The following ABCC11 variants were observed in gnomAD, a reference collection of about 807,000 sequenced individuals.
ABCC11 encodes ATP binding cassette subfamily C member 11.
In ABCC11, 135 loss-of-function variants were observed where a neutral mutation model predicts 149.3. The observed-to-expected ratio is 0.90, with a 90% confidence interval of 0.79 to 1.04. The LOEUF (loss-of-function observed/expected upper bound fraction) is 1.04. ABCC11 is among the 50% of genes least tolerant of loss of function. ABCC11 has a pLI of 0.00. For synonymous variants in ABCC11, 665 were observed against 671.4 expected, an observed-to-expected ratio of 0.99 and a Z score of 0.15; for missense variants, 1,680 against 1,722.1, an observed-to-expected ratio of 0.98 and a Z score of 0.43.
At chr16:48,170,071 G>T (rs755524228) in intron 28 of ABCC11, 34 bp downstream of exon 28, 1 of 1,578,064 alleles carries the variant, frequency 6.3e-7, no homozygotes, top group Non-Finnish European at 8.7e-7. Context: ...GTAGTCTGTG[G>T]CTTCCCCTGG....
chr16:48,210,912 G>C (rs1968864141), intron 11 of ABCC11, 36 bp downstream of exon 11: 2 of 1,602,698 alleles, frequency 1.2e-6, no homozygotes, highest in Non-Finnish European at 8.5e-7. Context: ...TGAGAGCCTG[G>C]CAGCTGGCCT....
chr16:48,191,703 A>G (rs1567499649), intron 20 of ABCC11, among the ~76,000 whole-genome samples: 1 of 152,186 alleles, frequency 6.6e-6, no homozygotes, highest in Non-Finnish European at 1.5e-5. Context: ...GCTGGAAACC[A>G]TCATTCTCAG....
At chr16:48,244,374 C>G in intron 1 of ABCC11, 1 of 1,521,720 alleles carries the variant, frequency 6.6e-7, no homozygotes, top group Non-Finnish European at 8.8e-7. Flanking sequence ...GCCCCCAGTG[C>G]GAAAGGCTGC....
chr16:48,194,007 A>G lies in ABCC11; in HGVS notation c.2405-25T>C, dbSNP rs577802730. ...CCTGGGAGGGAGACAGTGGTGATGT[A>G]CAAGTGCCACAAACAGGTGCGAGGC... is the stretch of plus-strand genomic sequence containing the variant. On this transcript the variant is annotated intron_variant, in intron 18 of 29. Transcript: ENST00000356608. 1.1e-5 allele frequency: 17 copies of G among 1,556,308 alleles called. No individual in the cohort carries two copies. The East Asian group carries it at 2.5e-4, about 23-fold the overall frequency.
chr16:48,196,424 G>T, intron 17 of ABCC11, 103 bp from the exon 18 acceptor site: 2 of 1,086,270 alleles, frequency 1.8e-6, no homozygotes, highest in Non-Finnish European at 2.7e-6. Flanking sequence ...TCACTTTCCA[G>T]CTTCAGTGCC....
chr16:48,181,376 A>T (rs1966421916), intron 23 of ABCC11, among the ~76,000 whole-genome samples: 1 of 152,222 alleles, frequency 6.6e-6, no homozygotes, highest in Non-Finnish European at 1.5e-5. Flanking sequence ...TATTTGTAAG[A>T]CAGGAACAAT....
At chr16:48,212,716 G>A (rs1242135159) in intron 10 of ABCC11, among the ~76,000 whole-genome samples, 1 of 152,208 alleles carries the variant, frequency 6.6e-6, no homozygotes, top group Non-Finnish European at 1.5e-5. Context: ...CTGGCTTGTG[G>A]TAGGAGCTCA....
At chr16:48,243,401 C>CAAAAAAAAAAAAAAAAAAAAAA (rs541776018) in intron 1 of ABCC11, among the ~76,000 whole-genome samples, 1 of 72,842 alleles carries the variant, frequency 1.4e-5, no homozygotes, top group Non-Finnish European at 2.9e-5. Flanking sequence ...GACTCCGTCT[C>CAAAAAAAAAAAAAAAAAAAAAA]AAAAAAAAAA....
intron 1 of ABCC11, among the ~76,000 whole-genome samples, chr16:48,237,187 A>C (rs757095394): frequency 5.3e-5 from 8 of 152,176 alleles, no homozygotes; most frequent in Non-Finnish European, 1.2e-4. Flanking sequence ...CCCTTGATGA[A>C]AAGGTAAGCG....
Position 48,181,352 on chromosome 16 carries a change from A to C in ABCC11, c.3259-2666T>G, listed in dbSNP as rs114004880. Among the ~76,000 whole-genome samples the C allele has an allele frequency of 1.9e-3, 289 of 152,322 alleles. 1 individual carries two copies. Among genetic ancestry groups the C allele is most frequent in the African/African-American group, 6.6e-3 (273 of 41,576 alleles). ...ATAGCCAAGTTACTTAAACGCTCTAAGCCCTAAGTTTTCTATTTGTAAGAC... is the reference window on the plus strand; with the variant it reads ...ATAGCCAAGTTACTTAAACGCTCTACGCCCTAAGTTTTCTATTTGTAAGAC... On this transcript the variant is annotated intron_variant, in intron 23 of 29. Coordinates refer to ENST00000356608, the MANE Select transcript of ABCC11 (RefSeq NM_001370497.1).
chr16:48,181,786 T>C (rs936611046), intron 23 of ABCC11, among the ~76,000 whole-genome samples: 1 of 152,190 alleles, frequency 6.6e-6, no homozygotes, highest in Non-Finnish European at 1.5e-5. Flanking sequence ...AATTTTTTTG[T>C]ATTTTTTTAG....
At position 48,205,669 on chromosome 16, in the gene ABCC11, T is replaced by C. The variant is rs974653941; in HGVS notation, c.1681-132A>G. 15 of 1,232,930 alleles carry C rather than the reference T, an allele frequency of 1.2e-5. No homozygotes were observed. The East Asian group carries it at 2.1e-4, about 17-fold the overall frequency. The allele number at this position is 1,232,930 out of a possible 1,614,324, so 76.4% of individuals were successfully genotyped here. A position where few individuals can be genotyped will look rare whatever the true frequency, so the allele number is the denominator to read the frequency against. ...GGGCTCTCCTAGGTAAAAGGGACTT[T>C]TAATGTGGCCCTACCAGGCCCACCA... On this transcript the variant is annotated intron_variant, in intron 12 of 29. Transcript: ENST00000356608.
chr16:48,174,190 C>G (rs375370599), intron 26 of ABCC11, among the ~76,000 whole-genome samples: 1 of 152,212 alleles, frequency 6.6e-6, no homozygotes, highest in Non-Finnish European at 1.5e-5. Flanking sequence ...CTGTACAAAA[C>G]CATCTTCCCC....
At chr16:48,215,428 A>G in intron 7 of ABCC11, 84 bp from the exon 8 acceptor site, 2 of 1,462,778 alleles carry the variant, frequency 1.4e-6, no homozygotes, top group South Asian at 1.2e-5. Context: ...TGGCATAAGT[A>G]GGGCAACTGG....
chr16:48,184,392 G>C, intron 23 of ABCC11, 48 bp downstream of exon 23: 1 of 1,588,790 alleles, frequency 6.3e-7, no homozygotes, highest in South Asian at 1.2e-5. Flanking sequence ...GCCACAGGCA[G>C]AGGATGAGCA....
intron 1 of ABCC11, among the ~76,000 whole-genome samples, chr16:48,241,384 G>A (rs1042633744): frequency 6.6e-5 from 10 of 152,096 alleles, no homozygotes; most frequent in African/African-American, 1.7e-4. Context: ...ACTGCTCAAC[G>A]AAATAAAAGA....
chr16:48,226,093 T>TATTATTATTATTATTA (rs1555470101), intron 4 of ABCC11, among the ~76,000 whole-genome samples: 1 of 151,864 alleles, frequency 6.6e-6, no homozygotes, highest in Non-Finnish European at 1.5e-5. Context: ...TTATTATTAT[T>TATTATTATTATTATTA]TGAAATGGAG....
chr16:48,178,537 C>T, intron 24 of ABCC11, 60 bp downstream of exon 24: 1 of 1,539,038 alleles, frequency 6.5e-7, no homozygotes, highest in Non-Finnish European at 9.0e-7. Context: ...TTGTAGAGGT[C>T]ACAGAAGTCA....
intron 1 of ABCC11, among the ~76,000 whole-genome samples, chr16:48,240,992 T>C (rs1295381525): frequency 6.6e-6 from 1 of 152,106 alleles, no homozygotes; most frequent in Non-Finnish European, 1.5e-5. Flanking sequence ...CAGAGTGCAA[T>C]GGCCTGATCT....
Sources: allele counts gnomAD v4.1 joint callset (sites outside exome capture counted in the v4.1 genomes callset), GRCh38; gene constraint gnomAD v4.1.1; transcripts MANE v1.5; gene names NCBI Gene and HGNC (gene_info 2026-07-23, HGNC 2026-07-21).